Variants in AKAP12 observed in about 807,000 individuals in gnomAD.
AKAP12 encodes the protein A-kinase anchor protein 12.
Under a neutral mutation model 79.9 loss-of-function variants are expected in AKAP12, and 32 were observed. The ratio of observed to expected loss-of-function variants is 0.40; its 90% CI spans 0.30 to 0.54. The LOEUF is 0.54. Among genes scored for constraint, AKAP12 ranks in the 20% least tolerant of loss-of-function variants. The probability of loss-of-function intolerance (pLI) is 0.48; values close to 1 mark genes in which losing one functional copy is unlikely to be tolerated. For synonymous variants in AKAP12, 808 were observed against 857.0 expected, an observed-to-expected ratio of 0.94 and a Z score of 1.00; for missense variants, 2,074 against 2,177.0, an observed-to-expected ratio of 0.95 and a Z score of 0.94.
chr6:151,351,362 A>G lies in AKAP12; in HGVS notation c.2971A>G (p.Thr991Ala), dbSNP rs145545445. 27 of 1,614,068 alleles carry G rather than the reference A, an allele frequency of 1.7e-5. No individual in the cohort carries two copies. The highest frequency in any genetic ancestry group is 2.2e-5 in the Non-Finnish European group (26 of 1,180,054). The part of the protein sequence containing the change: ...TAGPLGAEEG[T>A]EASAAEETTE... ...AGGGCCATTGGGTGCCGAAGAAGGA[A>G]CCGAAGCATCTGCTGCTGAAGAGAC... Residue 991 changes from threonine to alanine, a missense_variant, in exon 4 of 5, where the codon ACC becomes GCC. By Grantham distance (58) the Thr-to-Ala change is moderately conservative. Coordinates refer to ENST00000402676, the MANE Select transcript of AKAP12 (RefSeq NM_005100.4). This position sits in a 1 kb window ranked among gnomAD's most constrained non-coding sequence, Gnocchi z 4.4.
intron 2 of AKAP12, among the ~76,000 whole-genome samples, chr6:151,264,505 T>C (rs1159728048): frequency 6.6e-6 from 1 of 151,292 alleles, no homozygotes; most frequent in African/African-American, 2.4e-5. Context: ...ACCCCGTCTC[T>C]ACTAAAAATA....
chr6:151,335,339 T>G (rs189629269), intron 3 of AKAP12, among the ~76,000 whole-genome samples: 2 of 152,296 alleles, frequency 1.3e-5, no homozygotes, highest in Non-Finnish European at 2.9e-5. Context: ...ATATTAAAGT[T>G]TTTGTTATTT....
intron 3 of AKAP12, among the ~76,000 whole-genome samples, chr6:151,345,926 T>TGTGTGTGA (rs1190168613): frequency 9.3e-6 from 1 of 107,492 alleles, no homozygotes; most frequent in Admixed American, 9.6e-5. Context: ...TGTGTGTGTG[T>TGTGTGTGA]GTGTGTGAGA....
chr6:151,325,625 G>A, intron 3 of AKAP12: 1 of 1,375,764 alleles, frequency 7.3e-7, no homozygotes, highest in Non-Finnish European at 9.4e-7. Context: ...CTGGGTGGGG[G>A]CGTGGGTGGG....
intron 3 of AKAP12, chr6:151,323,777 A>G (rs890144694): frequency 5.1e-6 from 5 of 985,274 alleles, no homozygotes; most frequent in South Asian, 9.4e-5. Context: ...ACTGATAGAA[A>G]GGAGAGGAGC....
chr6:151,277,043 A>G (rs59401539), intron 2 of AKAP12, among the ~76,000 whole-genome samples: 20,822 of 152,202 alleles, frequency 0.14, 1,948 homozygotes, highest in Admixed American at 0.31. Flanking sequence ...ACAAACCTAA[A>G]AACAAATACA....
At chr6:151,314,926 G>C (rs1649227528) in intron 3 of AKAP12, among the ~76,000 whole-genome samples, 2 of 151,974 alleles carry the variant, frequency 1.3e-5, no homozygotes, top group Admixed American at 6.6e-5. Context: ...GTGGCATGCA[G>C]CTGTAGTCCC....
At chr6:151,255,843 T>C (rs1333529955) in intron 2 of AKAP12, among the ~76,000 whole-genome samples, 2 of 152,206 alleles carry the variant, frequency 1.3e-5, no homozygotes, top group East Asian at 3.9e-4. Context: ...AATTGATGTG[T>C]AAATAAATTT....
chr6:151,290,114 A>C (rs1776585303), intron 2 of AKAP12, among the ~76,000 whole-genome samples: 1 of 152,190 alleles, frequency 6.6e-6, no homozygotes, highest in Non-Finnish European at 1.5e-5. Flanking sequence ...TGTTCTTAGA[A>C]TAGTCATCAT....
chr6:151,322,518 A>G (rs1360196455), intron 3 of AKAP12, among the ~76,000 whole-genome samples: 1 of 152,218 alleles, frequency 6.6e-6, no homozygotes, highest in Non-Finnish European at 1.5e-5. Context: ...GCTGTGAGGA[A>G]CCCACTCATG....
At chr6:151,316,614 G>T (rs1260084384) in intron 3 of AKAP12, among the ~76,000 whole-genome samples, 1 of 151,988 alleles carries the variant, frequency 6.6e-6, no homozygotes, top group Non-Finnish European at 1.5e-5. Context: ...CTGGTCTCTT[G>T]GTGTGTCCAA....
chr6:151,331,527 C>T lies in AKAP12; in HGVS notation c.320-17184C>T, dbSNP rs147049356. On this transcript the variant is annotated intron_variant, in intron 3 of 4. Coordinates refer to ENST00000402676, the MANE Select transcript of AKAP12 (RefSeq NM_005100.4). The stretch of plus-strand genomic sequence containing the variant: ...GCAGTGATAACTTCAAGTTATTTTT[C>T]CTTCCGGAATGTTGTAGCATGAAGT... 1.3e-4 allele frequency among the ~76,000 whole-genome samples: 20 copies of T among 152,242 alleles called. No individual in the cohort carries two copies. In the East Asian group the frequency reaches 3.9e-3, roughly 29 times the overall value.
At chr6:151,296,551 C>T (rs1393056378) in intron 2 of AKAP12, among the ~76,000 whole-genome samples, 2 of 152,118 alleles carry the variant, frequency 1.3e-5, no homozygotes, top group Non-Finnish European at 2.9e-5. Context: ...CTGAGGTGGG[C>T]GGATCACCTG....
intron 2 of AKAP12, among the ~76,000 whole-genome samples, chr6:151,254,916 T>G (rs970018857): frequency 6.6e-6 from 1 of 152,140 alleles, no homozygotes; most frequent in Non-Finnish European, 1.5e-5. Flanking sequence ...GGGAAGTAGG[T>G]CATGTTAAAG....
chr6:151,255,017 A>C (rs1797264035), intron 2 of AKAP12, among the ~76,000 whole-genome samples: 1 of 152,172 alleles, frequency 6.6e-6, no homozygotes, highest in Admixed American at 6.5e-5. Context: ...AGTTGTAGGC[A>C]AATTTGGGGG....
intron 3 of AKAP12, among the ~76,000 whole-genome samples, chr6:151,313,460 G>A (rs1249697229): frequency 6.6e-6 from 1 of 152,222 alleles, no homozygotes; most frequent in South Asian, 2.1e-4. Flanking sequence ...CTGGGAACTG[G>A]TTTTAATTCA....
intron 2 of AKAP12, among the ~76,000 whole-genome samples, chr6:151,270,964 T>G (rs899468491): frequency 1.3e-5 from 2 of 152,250 alleles, no homozygotes; most frequent in African/African-American, 4.8e-5. Flanking sequence ...ATAACAGTTC[T>G]TAGAGTTCTA....
intron 2 of AKAP12, chr6:151,298,829 T>A (rs978875214): frequency 4.6e-5 from 7 of 151,540 alleles, no homozygotes; most frequent in Admixed American, 6.6e-5. Flanking sequence ...AATGAAAAAA[T>A]TTTTTTCTTT....
chr6:151,349,867 C>T lies in AKAP12; in HGVS notation c.1476C>T (p.Pro492=). ...LSPDEKVLSK[P]PEGVVSEVEM... The stretch of plus-strand genomic sequence containing the variant: ...CTGATGAGAAGGTGCTGTCCAAACC[C>T]CCCGAAGGCGTTGTGAGTGAGGTGG... Residue 492 remains proline, a synonymous_variant, in exon 4 of 5, where the codon CCC becomes CCT. Transcript: ENST00000402676. 1 of 1,614,120 alleles carries T rather than the reference C, an allele frequency of 6.2e-7. No individual in the cohort carries two copies. The highest frequency in any genetic ancestry group is 1.1e-5 in the South Asian group (1 of 91,080).
Sources: allele counts gnomAD v4.1 joint callset (sites outside exome capture counted in the v4.1 genomes callset), GRCh38; gene constraint gnomAD v4.1.1; non-coding constraint Gnocchi (gnomAD v3.1); transcripts MANE v1.5; gene names NCBI Gene and HGNC (gene_info 2026-07-23, HGNC 2026-07-21).